Variants in LRRIQ1 observed in about 807,000 individuals in gnomAD.
LRRIQ1 encodes leucine-rich repeat- and IQ domain-containing protein 1.
LRRIQ1 carries 210 observed loss-of-function variants against 211.9 expected under a neutral mutation model. The ratio of observed to expected loss-of-function variants is 0.99; its 90% CI spans 0.89 to 1.11. The LOEUF (loss-of-function observed/expected upper bound fraction) is 1.11, where lower values mean the gene tolerates loss of function less well. Among genes scored for constraint, LRRIQ1 ranks in the 50% most tolerant of loss-of-function variants. LRRIQ1 has a pLI of 0.00. For synonymous variants in LRRIQ1, 699 were observed against 650.1 expected, an observed-to-expected ratio of 1.08 and a Z score of -1.14; for missense variants, 2,136 against 1,939.5, an observed-to-expected ratio of 1.10 and a Z score of -1.90.
At chr12:85,099,405 T>C (rs1886169609) in intron 13 of LRRIQ1, among the ~76,000 whole-genome samples, 1 of 151,862 alleles carries the variant, frequency 6.6e-6, no homozygotes, top group Admixed American at 6.6e-5. Context: ...TGCTCTCAAC[T>C]TGCTTGTCTT....
chr12:85,156,734 T>G (rs1252430583), intron 23 of LRRIQ1, among the ~76,000 whole-genome samples: 1 of 151,820 alleles, frequency 6.6e-6, no homozygotes, highest in East Asian at 1.9e-4. Flanking sequence ...CATAGACAAC[T>G]TGCCAACTTG....
downstream of LRRIQ1, among the ~76,000 whole-genome samples, chr12:85,266,837 AG>A (rs2137353247): frequency 6.6e-6 from 1 of 152,266 alleles, no homozygotes; most frequent in African/African-American, 2.4e-5. Context: ...GATTCTTTGA[AG>A]CTTTTGAGAA....
At chr12:85,259,481 T>C (rs929706961) in intron 1 of LRRIQ1, among the ~76,000 whole-genome samples, 22 of 152,134 alleles carry the variant, frequency 1.4e-4, no homozygotes, top group Admixed American at 1.4e-3. Context: ...TGCTCCTCAA[T>C]TTATTCTCTA....
At chr12:85,140,326 T>C (rs1310821805) in intron 19 of LRRIQ1, among the ~76,000 whole-genome samples, 2 of 151,224 alleles carry the variant, frequency 1.3e-5, no homozygotes, top group South Asian at 2.1e-4. Flanking sequence ...CAAAGCGTTT[T>C]GGAATATCTG....
Position 85,223,079 on chromosome 12 carries a change from T to G in LRRIQ1, c.4823-6438T>G, listed in dbSNP as rs181432498. On this transcript the variant is annotated intron_variant, in intron 24 of 26. Coordinates refer to ENST00000393217, the MANE Select transcript of LRRIQ1 (RefSeq NM_001079910.2). Reference sequence around the variant, plus strand: ...CGGAATCCAGGAGGAAAAAACATACTTTAGTAGGATGATGATGGTAAAGAC... The same window carrying G: ...CGGAATCCAGGAGGAAAAAACATACGTTAGTAGGATGATGATGGTAAAGAC... 1.5e-4 allele frequency among the ~76,000 whole-genome samples: 23 copies of G among 152,204 alleles called. No individual in the cohort carries two copies. In the East Asian group the frequency reaches 3.9e-3, roughly 26 times the overall value.
intron 24 of LRRIQ1, among the ~76,000 whole-genome samples, chr12:85,196,103 G>C (rs1354072044): frequency 1.7e-4 from 26 of 151,996 alleles, no homozygotes; most frequent in Admixed American, 1.7e-3. Context: ...AAAATACCTA[G>C]GAATCCAACT....
intron 18 of LRRIQ1, among the ~76,000 whole-genome samples, chr12:85,136,174 A>G (rs182107177): frequency 5.9e-4 from 70 of 117,752 alleles, no homozygotes; most frequent in Admixed American, 1.3e-3. Flanking sequence ...GTACTTGTGT[A>G]TGTGTATGTG....
chr12:85,150,718 G>T (rs975432714), intron 19 of LRRIQ1, among the ~76,000 whole-genome samples: 1 of 151,608 alleles, frequency 6.6e-6, no homozygotes, highest in Non-Finnish European at 1.5e-5. Context: ...ATGAGAAGGA[G>T]GAATACTCAT....
chr12:85,238,124 A>G (rs1895276941), intron 26 of LRRIQ1, among the ~76,000 whole-genome samples: 1 of 151,992 alleles, frequency 6.6e-6, no homozygotes, highest in East Asian at 1.9e-4. Flanking sequence ...TTTCACCTTA[A>G]TTGAAAAAAA....
At chr12:85,270,214 A>G in the LRRIQ1 span, among the ~76,000 whole-genome samples, 15 of 152,252 alleles carry the variant, frequency 9.9e-5, no homozygotes, top group African/African-American at 3.1e-4. Flanking sequence ...TTTCTAATAA[A>G]CTTTTAAAAA....
intron 24 of LRRIQ1, among the ~76,000 whole-genome samples, chr12:85,168,304 G>A (rs1321987862): frequency 6.6e-6 from 1 of 152,010 alleles, no homozygotes; most frequent in Non-Finnish European, 1.5e-5. Flanking sequence ...ACACCCTAAG[G>A]GATCTCCTGT....
intron 6 of LRRIQ1, among the ~76,000 whole-genome samples, chr12:85,050,442 G>A (rs186162847): frequency 6.6e-5 from 10 of 152,256 alleles, no homozygotes; most frequent in Admixed American, 3.3e-4. Context: ...AGAACTTTAT[G>A]TATCTAAAAC....
downstream of LRRIQ1, chr12:85,245,159 C>T (rs544963632): frequency 4.7e-6 from 3 of 635,182 alleles, no homozygotes; most frequent in Admixed American, 8.0e-5. Context: ...TCCTGCCCCC[C>T]ACACCCTGTG....
chr12:85,250,450 T>C (rs976574874), intron 1 of LRRIQ1, among the ~76,000 whole-genome samples: 5 of 151,670 alleles, frequency 3.3e-5, no homozygotes, highest in Non-Finnish European at 5.9e-5. Flanking sequence ...CATTCAAAAA[T>C]ATTTATGAGC....
At chr12:85,253,644 T>A (rs1178286458) in intron 1 of LRRIQ1, among the ~76,000 whole-genome samples, 1 of 152,016 alleles carries the variant, frequency 6.6e-6, no homozygotes, top group African/African-American at 2.4e-5. Context: ...AAATTTACAG[T>A]TTTACATAAA....
intron 24 of LRRIQ1, among the ~76,000 whole-genome samples, chr12:85,163,284 A>G (rs1334489317): frequency 6.6e-6 from 1 of 152,212 alleles, no homozygotes; most frequent in African/African-American, 2.4e-5. Context: ...GTTTTAGAAC[A>G]TTGGAAGATC....
intron 19 of LRRIQ1, among the ~76,000 whole-genome samples, chr12:85,147,415 G>T (rs1889961751): frequency 6.6e-6 from 1 of 151,848 alleles, no homozygotes; most frequent in East Asian, 2.0e-4. Flanking sequence ...TAGGGAATGG[G>T]CCCTTACCAT....
At chr12:85,144,112 G>A (rs539212944) in intron 19 of LRRIQ1, among the ~76,000 whole-genome samples, 8 of 151,380 alleles carry the variant, frequency 5.3e-5, no homozygotes, top group South Asian at 2.1e-4. Context: ...TCCCTTCTTC[G>A]TGTCCATGTG....
chr12:85,260,834 A>C (rs553406963), intron 1 of LRRIQ1, among the ~76,000 whole-genome samples: 1 of 152,330 alleles, frequency 6.6e-6, no homozygotes, highest in South Asian at 2.1e-4. Context: ...CAATGTATAA[A>C]TAGTAAGTAG....
Sources: allele counts gnomAD v4.1 joint callset (sites outside exome capture counted in the v4.1 genomes callset), GRCh38; gene constraint gnomAD v4.1.1; transcripts MANE v1.5; gene names NCBI Gene and HGNC (gene_info 2026-07-23, HGNC 2026-07-21).